The following NCS1 variants were observed in gnomAD, a reference collection of about 807,000 sequenced individuals.
NCS1 encodes neuronal calcium sensor 1.
A neutral mutation model predicts 28.4 loss-of-function variants in NCS1; 6 were observed. The observed-to-expected ratio is 0.21, with a 90% CI of 0.12 to 0.42. The LOEUF is 0.42. Ranked by LOEUF, NCS1 falls within the 10% of genes least tolerant of loss-of-function variation. NCS1 has a pLI of 1.00. For missense variants in NCS1, 131 were observed against 241.4 expected (o/e 0.54, Z 3.03); for synonymous variants, 86 against 99.3 (o/e 0.87, Z 0.79).
chr9:130,190,513 G>A (rs1274706832), intron 1 of NCS1, among the ~76,000 whole-genome samples: 2 of 152,166 alleles, frequency 1.3e-5, no homozygotes, highest in African/African-American at 2.4e-5. Context: ...TGGTAGAGCC[G>A]GGATTTGAAC....
chr9:130,180,192 C>G lies in NCS1; in HGVS notation c.64+7465C>G, dbSNP rs1292876516. On this transcript the variant is annotated intron_variant, in intron 1 of 7. Transcript: ENST00000372398. This position sits in a 1 kb window ranked among gnomAD's most constrained non-coding sequence, Gnocchi z 4.5. ...TCGTATTAGAATGTGCACCACCACA[C>G]CTGGCTAATTTTTGTATTTTTAGTG... Among the ~76,000 whole-genome samples, 2 of 152,164 alleles carry G rather than the reference C, an allele frequency of 1.3e-5. No homozygotes were observed. The highest frequency in any genetic ancestry group is 2.4e-5 in the African/African-American group (1 of 41,440).
rs56120429 is a variant in NCS1, at chr9:130,179,995, T to TTATC, written c.64+7321_64+7324dup. ...CAGATAGGGATGTCTTGCCTTCTTT[T>TTATC]TATCTATCTATCTATCTATCTATCT... On this transcript the variant is annotated intron_variant, in intron 1 of 7. Coordinates refer to ENST00000372398, the MANE Select transcript of NCS1 (RefSeq NM_014286.4). Among the ~76,000 whole-genome samples the TTATC allele has an allele frequency of 8.3e-4, 120 of 145,264 alleles. 1 individual carries two copies. The highest frequency in any genetic ancestry group is 1.2e-3 in the Non-Finnish European group (79 of 66,542).
chr9:130,210,203 A>T lies in NCS1; in HGVS notation c.90-7629A>T, dbSNP rs577052775. 2.3e-4 allele frequency among the ~76,000 whole-genome samples: 35 copies of T among 152,228 alleles called. 2 individuals are homozygous for T. The South Asian group carries it at 7.3e-3, about 32-fold the overall frequency. ...ATCATGAGGTCAGGAGTTCAAGACCAGTCTGGCCAACATGATGAAACCCCG... is the reference window on the plus strand; with the variant it reads ...ATCATGAGGTCAGGAGTTCAAGACCTGTCTGGCCAACATGATGAAACCCCG... On this transcript the variant is annotated intron_variant, in intron 2 of 7. Coordinates refer to ENST00000372398, the MANE Select transcript of NCS1 (RefSeq NM_014286.4).
Position 130,172,662 on chromosome 9 carries a change from G to T in NCS1, c.-2G>T. ...GGGGGGCGGGGGCCGCGGCCGCCGA[G>T]GATGGGGAAATCCAACAGCAAGTTG... is the stretch of plus-strand genomic sequence containing the variant. On this transcript the variant is annotated 5_prime_UTR_variant, in exon 1 of 8. It adds an upstream start codon to the 5' untranslated region. Transcript: ENST00000372398. The T allele has an allele frequency of 1.3e-6, 2 of 1,484,278 alleles. No individual in the cohort carries two copies. The highest frequency in any genetic ancestry group is 9.0e-7 in the Non-Finnish European group (1 of 1,108,672). 91.9% of individuals were successfully genotyped at this position (1,484,278 alleles called of 1,614,324 possible).
intron 2 of NCS1, among the ~76,000 whole-genome samples, chr9:130,202,358 C>A (rs1451151077): frequency 2.0e-5 from 3 of 148,720 alleles, no homozygotes; most frequent in African/African-American, 7.5e-5. Context: ...CCCCCCACCC[C>A]CTGAAACCCC....
intron 1 of NCS1, among the ~76,000 whole-genome samples, chr9:130,194,120 G>A (rs550661839): frequency 6.6e-6 from 1 of 152,214 alleles, no homozygotes; most frequent in East Asian, 1.9e-4. Flanking sequence ...AGCGCCGGGA[G>A]GGGGCTGCCA....
intron 2 of NCS1, among the ~76,000 whole-genome samples, chr9:130,214,173 A>T (rs1037506679): frequency 2.0e-5 from 3 of 152,224 alleles, no homozygotes; most frequent in Admixed American, 6.5e-5. Context: ...AGCGTGGTAC[A>T]GGCTCTGCTG....
Position 130,223,114 on chromosome 9 carries a change from C to G in NCS1, c.429C>G (p.Asn143Lys). 1 of 1,613,708 alleles carries G rather than the reference C, an allele frequency of 6.2e-7. No homozygotes were observed. Among genetic ancestry groups the G allele is most frequent in the Non-Finnish European group, 8.5e-7 (1 of 1,179,880 alleles). ...CCGTGGAGCTCCCAGAGGAGGAGAACACTCCTGAGAAGAGGGTGGACCGGA... is the reference window on the plus strand; with the variant it reads ...CCGTGGAGCTCCCAGAGGAGGAGAAGACTCCTGAGAAGAGGGTGGACCGGA... ...GNTVELPEEE[N>K]TPEKRVDRIF... The change falls in exon 6 of 8, where the codon AAC becomes AAG. Residue 143 changes from asparagine to lysine, a missense_variant. Around this residue, in one of 2 missense-constraint regions of NCS1, gnomAD observed 100 missense variants for 210.3 expected, o/e 0.48. Transcript: ENST00000372398.
chr9:130,201,710 G>T (rs1178177657), intron 2 of NCS1, among the ~76,000 whole-genome samples: 2 of 152,084 alleles, frequency 1.3e-5, no homozygotes, highest in African/African-American at 2.4e-5. Flanking sequence ...CCCCCCAGGA[G>T]CCTCCAGGGC....
chr9:130,185,039 C>T (rs903795812), intron 1 of NCS1, among the ~76,000 whole-genome samples: 1 of 152,174 alleles, frequency 6.6e-6, no homozygotes, highest in Non-Finnish European at 1.5e-5. Flanking sequence ...GAGGCAGGCA[C>T]CTATTCATCG....
Position 130,209,403 on chromosome 9 carries a change from G to A in NCS1, c.89+8421G>A, listed in dbSNP as rs1253987453. Among the ~76,000 whole-genome samples the A allele has an allele frequency of 6.6e-6, 1 of 152,212 alleles. No homozygotes were observed. Among genetic ancestry groups the A allele is most frequent in the Non-Finnish European group, 1.5e-5 (1 of 68,038 alleles). ...CTGAGGCCTGGCAGTGCGGGGGCTT[G>A]CTCAGGCCCTCAGAGAACTAGAGGC... On this transcript the variant is annotated intron_variant, in intron 2 of 7. Transcript: ENST00000372398. This position sits in a 1 kb window ranked among gnomAD's most constrained non-coding sequence, Gnocchi z 4.4.
chr9:130,215,797 C>T lies in NCS1; in HGVS notation c.90-2035C>T, dbSNP rs1554909263. Among the ~76,000 whole-genome samples the T allele has an allele frequency of 6.6e-6, 1 of 152,152 alleles. No individual in the cohort carries two copies. Among genetic ancestry groups the T allele is most frequent in the African/African-American group, 2.4e-5 (1 of 41,438 alleles). The stretch of plus-strand genomic sequence containing the variant: ...CCTTCAAGGTGTTCTGGGGTGGGGA[C>T]AGGGAAAGGTGCAGAGGGCTGGCCT... On this transcript the variant is annotated intron_variant, in intron 2 of 7. Coordinates refer to ENST00000372398, the MANE Select transcript of NCS1 (RefSeq NM_014286.4). The surrounding 1 kb of genome is among the most constrained non-coding windows in gnomAD (Gnocchi z 4.2).
rs1554906223 is a variant in NCS1 at position 130,191,137 on chromosome 9, G to T, written c.65-9821G>T. 6.6e-6 allele frequency among the ~76,000 whole-genome samples: 1 copy of T among 152,200 alleles called. No individual in the cohort carries two copies. The highest frequency in any genetic ancestry group is 1.5e-5 in the Non-Finnish European group (1 of 68,034). On this transcript the variant is annotated intron_variant, in intron 1 of 7. Coordinates refer to ENST00000372398, the MANE Select transcript of NCS1 (RefSeq NM_014286.4). The surrounding 1 kb of genome is among the most constrained non-coding windows in gnomAD (Gnocchi z 6.4). ...CCTCTCGTTGGCCCCTGACAGCGGGGCAGGGAGCACGCTGACCCAGGCCAC... is the reference window on the plus strand; with the variant it reads ...CCTCTCGTTGGCCCCTGACAGCGGGTCAGGGAGCACGCTGACCCAGGCCAC...
chr9:130,219,605 T>A lies in NCS1; in HGVS notation c.229-120T>A, dbSNP rs1588123489. On this transcript the variant is annotated intron_variant, in intron 3 of 7. Coordinates refer to ENST00000372398, the MANE Select transcript of NCS1 (RefSeq NM_014286.4). The surrounding 1 kb of genome is among the most constrained non-coding windows in gnomAD (Gnocchi z 5.7). ...TTCCTTCGAGCCTGCCCTCTCCACCTGAGTGTCCATTGGCCACAGTGTCTG... is the reference window on the plus strand; with the variant it reads ...TTCCTTCGAGCCTGCCCTCTCCACCAGAGTGTCCATTGGCCACAGTGTCTG... 2.3e-5 allele frequency: 17 copies of A among 751,686 alleles called. No individual in the cohort carries two copies. Among genetic ancestry groups the A allele is most frequent in the East Asian group, 1.4e-4 (4 of 28,824 alleles). The allele number at this position is 751,686 out of a possible 1,614,324, so 46.6% of individuals were successfully genotyped here.
At chr9:130,196,505 G>C (rs781899889) in intron 1 of NCS1, among the ~76,000 whole-genome samples, 1 of 152,220 alleles carries the variant, frequency 6.6e-6, no homozygotes, top group Non-Finnish European at 1.5e-5. Context: ...TTGGGAGGCC[G>C]AGGCGGATGG....
intron 2 of NCS1, among the ~76,000 whole-genome samples, chr9:130,216,282 G>T (rs1243529615): frequency 6.6e-6 from 1 of 152,160 alleles, no homozygotes; most frequent in Non-Finnish European, 1.5e-5. Context: ...ACAGTGGGAC[G>T]TGTGAAAGTC....
chr9:130,203,743 C>T (rs975734364), intron 2 of NCS1, among the ~76,000 whole-genome samples: 19 of 152,316 alleles, frequency 1.2e-4, no homozygotes, highest in Non-Finnish European at 2.5e-4. Context: ...CCAAGCACCG[C>T]TGTGAGCCAG....
In NCS1 at chr9:130,235,120, A is replaced by ACCCCC. The variant is rs5900889; in HGVS notation, c.*2151_*2155dup. ...AGGACTGCACGCTGGCCCCACGGTA[A>ACCCCC]CCCCCCCTCCCCCACCAACATCCTG... On this transcript the variant is annotated 3_prime_UTR_variant, in exon 8 of 8. Transcript: ENST00000372398. 18 of 148,484 alleles carry ACCCCC rather than the reference A, an allele frequency of 1.2e-4. No individual in the cohort carries two copies. Among genetic ancestry groups the ACCCCC allele is most frequent in the African/African-American group, 4.6e-4 (18 of 39,414 alleles). The allele number at this position is 148,484 out of a possible 1,614,324, so 9.2% of individuals were successfully genotyped here.
intron 1 of NCS1, among the ~76,000 whole-genome samples, chr9:130,183,330 G>A (rs1462548735): frequency 6.6e-6 from 1 of 152,220 alleles, no homozygotes; most frequent in African/African-American, 2.4e-5. Context: ...CCTTGCCCAG[G>A]AGGGGTGCAG....
Sources: gnomAD v4.1 joint callset for allele counts (sites outside exome capture counted in the v4.1 genomes callset) on GRCh38, gnomAD v4.1.1 for gene constraint, gnomAD v4.1.1 regional missense constraint, Gnocchi (gnomAD v3.1) non-coding constraint, MANE v1.5 for transcripts, NCBI Gene and HGNC (gene_info 2026-07-23, HGNC 2026-07-21) for gene names.